The following TEX36 variants were observed in gnomAD, a reference collection of about 807,000 sequenced individuals.
The protein encoded by TEX36 is testis-expressed protein 36.
TEX36 carries 12 observed loss-of-function variants against 13.6 expected under a neutral mutation model. The observed-to-expected ratio is 0.88, with a 90% confidence interval of 0.56 to 1.43. The LOEUF is 1.43. Ranked by LOEUF, TEX36 falls within the 40% of genes most tolerant of loss-of-function variation. The pLI, the probability that TEX36 is intolerant of heterozygous loss-of-function variation, is 0.00. For synonymous variants in TEX36, 93 were observed against 83.0 expected (o/e 1.12, Z -0.65); for missense variants, 224 against 228.3 (o/e 0.98, Z 0.12).
intron 3 of TEX36, among the ~76,000 whole-genome samples, chr10:125,612,969 G>C (rs970234990): frequency 4.0e-5 from 6 of 151,888 alleles, no homozygotes; most frequent in Non-Finnish European, 8.8e-5. Flanking sequence ...ACTAAAGGCA[G>C]CCACCAGCCA....
At chr10:125,638,011 C>T (rs972767563) in intron 3 of TEX36, among the ~76,000 whole-genome samples, 3 of 152,000 alleles carry the variant, frequency 2.0e-5, no homozygotes, top group African/African-American at 7.3e-5. Flanking sequence ...GCTCATCTTC[C>T]TATGGGTTTC....
intron 3 of TEX36, among the ~76,000 whole-genome samples, chr10:125,646,002 A>T (rs1846762211): frequency 6.6e-6 from 1 of 152,242 alleles, no homozygotes; most frequent in Admixed American, 6.5e-5. Context: ...CAAAAGAAAA[A>T]ATCAAATACA....
At chr10:125,641,400 T>G (rs569226282) in intron 3 of TEX36, among the ~76,000 whole-genome samples, 2 of 152,252 alleles carry the variant, frequency 1.3e-5, no homozygotes, top group African/African-American at 4.8e-5. Context: ...CTAACCATCA[T>G]GTCTGAGGGC....
chr10:125,635,308 G>C (rs1015857738), intron 3 of TEX36, among the ~76,000 whole-genome samples: 1 of 152,142 alleles, frequency 6.6e-6, no homozygotes, highest in Non-Finnish European at 1.5e-5. Context: ...TTTGAAAAAC[G>C]TTGTGCATTC....
intron 3 of TEX36, among the ~76,000 whole-genome samples, chr10:125,584,288 G>A (rs1845917786): frequency 6.6e-6 from 1 of 152,222 alleles, no homozygotes; most frequent in South Asian, 2.1e-4. Flanking sequence ...AAATAAAATG[G>A]ATGTTGTTTG....
At chr10:125,654,643 T>C (rs534704411), downstream of TEX36, among the ~76,000 whole-genome samples, 303 of 152,278 alleles carry the variant, frequency 2.0e-3, no homozygotes, top group Non-Finnish European at 3.7e-3. Context: ...ATTGTCAGTC[T>C]ATAGAAAGGA....
chr10:125,670,125 T>A (rs1847199812), intron 1 of TEX36, among the ~76,000 whole-genome samples: 1 of 152,246 alleles, frequency 6.6e-6, no homozygotes, highest in South Asian at 2.1e-4. Flanking sequence ...ACAGTATTGC[T>A]GGATCAAATG....
Position 125,683,045 on chromosome 10 carries a change from C to G in TEX36, c.-56G>C. ...TGGCTCCCTCACCTCTCCATAAGCT[C>G]TACATGTCTGGGAAGCTGCTTCCTA... On this transcript the variant is annotated 5_prime_UTR_variant, in exon 1 of 4. The change abolishes the stop of an existing upstream ORF in the 5' untranslated region. Coordinates refer to ENST00000368821, the MANE Select transcript of TEX36 (RefSeq NM_001128202.3). 1.3e-6 allele frequency: 2 copies of G among 1,541,092 alleles called. No homozygotes were observed. Among genetic ancestry groups the G allele is most frequent in the Non-Finnish European group, 1.8e-6 (2 of 1,137,370 alleles).
intron 1 of TEX36, among the ~76,000 whole-genome samples, chr10:125,679,274 GCCT>G (rs2133615904): frequency 1.3e-5 from 2 of 152,064 alleles, no homozygotes; most frequent in East Asian, 3.9e-4. Context: ...TTGCTTCTTA[GCCT>G]CAACTGTGGA....
chr10:125,630,424 T>C (rs1174874991), intron 3 of TEX36, among the ~76,000 whole-genome samples: 2 of 152,116 alleles, frequency 1.3e-5, no homozygotes, highest in African/African-American at 4.8e-5. Flanking sequence ...GGGCTGTTCA[T>C]GTGGGCTAGT....
intron 3 of TEX36, among the ~76,000 whole-genome samples, chr10:125,646,762 A>G (rs1846775091): frequency 6.6e-6 from 1 of 152,170 alleles, no homozygotes; most frequent in African/African-American, 2.4e-5. Flanking sequence ...TAAAAATAAA[A>G]ATGATCAAAA....
chr10:125,598,481 C>T (rs10901409), intron 3 of TEX36, among the ~76,000 whole-genome samples: 47,172 of 151,992 alleles, frequency 0.31, 8,242 homozygotes, highest in East Asian at 0.47. Flanking sequence ...GAAGAGGATC[C>T]TTGGAAAAAT....
chr10:125,630,373 ACT>A (rs1251699869), intron 3 of TEX36, among the ~76,000 whole-genome samples: 1 of 152,100 alleles, frequency 6.6e-6, no homozygotes, highest in Non-Finnish European at 1.5e-5. Context: ...GGTGGATGAG[ACT>A]GACTATAGGT....
intron 3 of TEX36, among the ~76,000 whole-genome samples, chr10:125,646,107 T>C (rs1846763472): frequency 6.6e-6 from 1 of 152,058 alleles, no homozygotes; most frequent in Non-Finnish European, 1.5e-5. Context: ...GGTGGGAGGA[T>C]CACTTGAGCT....
chr10:125,614,720 C>A (rs2133554496), intron 3 of TEX36, among the ~76,000 whole-genome samples: 1 of 152,272 alleles, frequency 6.6e-6, no homozygotes, highest in East Asian at 1.9e-4. Context: ...TAGTGTGATG[C>A]CTCCAGCTTT....
rs1230934612 is a variant in TEX36 at position 125,661,919 on chromosome 10, T to C, written c.110A>G (p.Lys37Arg). The C allele has an allele frequency of 6.4e-7, 1 of 1,552,196 alleles. No individual in the cohort carries two copies. The highest frequency in any genetic ancestry group is 1.4e-5 in the African/African-American group (1 of 73,026). Residue 37 changes from lysine to arginine, a missense_variant, in exon 2 of 4, where the codon AAA becomes AGA. Transcript: ENST00000368821. ...AGGCAAGTGTGGACTCTGGGGCTCT[T>C]TTGACGTAGCACTGGTGATGGATTC... ...TPESITSATS[K>R]EPQSPHLPRQ...
At chr10:125,602,359 T>TA (rs1197584043) in intron 3 of TEX36, among the ~76,000 whole-genome samples, 3 of 152,102 alleles carry the variant, frequency 2.0e-5, no homozygotes, top group Non-Finnish European at 4.4e-5. Flanking sequence ...TTTCATCTAT[T>TA]AAAAAAATTC....
chr10:125,621,079 T>TA (rs1846425049), downstream of TEX36, among the ~76,000 whole-genome samples: 1 of 152,182 alleles, frequency 6.6e-6, no homozygotes, highest in Non-Finnish European at 1.5e-5. Flanking sequence ...TGTGTTGCTA[T>TA]AAAAATGGGT....
At chr10:125,673,863 T>C (rs1320877412) in intron 1 of TEX36, among the ~76,000 whole-genome samples, 2 of 152,156 alleles carry the variant, frequency 1.3e-5, no homozygotes, top group Admixed American at 6.5e-5. Context: ...ATTTTTTCCT[T>C]CATTTCCACG....
Sources: gnomAD v4.1 joint callset for allele counts (sites outside exome capture counted in the v4.1 genomes callset) on GRCh38, gnomAD v4.1.1 for gene constraint, MANE v1.5 for transcripts, NCBI Gene and HGNC (gene_info 2026-07-23, HGNC 2026-07-21) for gene names.